Variants in MICU2 observed in about 807,000 individuals in gnomAD.
MICU2 encodes the protein mitochondrial calcium uptake 2.
A neutral mutation model predicts 60.4 loss-of-function variants in MICU2; 64 were observed. The observed-to-expected ratio is 1.06, with a 90% CI of 0.87 to 1.31. The LOEUF (loss-of-function observed/expected upper bound fraction) is 1.31. Among genes scored for constraint, MICU2 ranks in the 50% most tolerant of loss-of-function variants. The pLI is 0.00. For missense variants in MICU2, 569 were observed against 531.0 expected (o/e 1.07, Z -0.70); for synonymous variants, 201 against 175.0 (o/e 1.15, Z -1.17).
intron 1 of MICU2, among the ~76,000 whole-genome samples, chr13:21,597,985 AAAC>A (rs1000588130): frequency 1.3e-4 from 20 of 151,898 alleles, no homozygotes; most frequent in Admixed American, 2.0e-4. Flanking sequence ...TGAAAGAAAA[AAAC>A]AACAACTGAT....
At position 21,495,254 on chromosome 13, in the gene MICU2, A is replaced by C. The variant is rs1488779082; in HGVS notation, c.1107T>G (p.Thr369=). Residue 369 remains threonine (T), a synonymous_variant, in exon 11 of 12, where the codon ACT becomes ACG. Transcript: ENST00000382374. ...GQELSNNILD[T]VFKIFDLDGD... ...CATCCAAATCAAAGATCTTAAAGAC[A>C]GTGTCCAAAATATTGTTTGAGAGTT... 7 of 1,613,502 alleles carry C rather than the reference A, an allele frequency of 4.3e-6. No individual in the cohort carries two copies. Among genetic ancestry groups the C allele is most frequent in the Non-Finnish European group, 3.4e-6 (4 of 1,179,686 alleles).
chr13:21,512,487 G>A (rs930695960), intron 7 of MICU2, among the ~76,000 whole-genome samples: 1 of 116,198 alleles, frequency 8.6e-6, no homozygotes, highest in Non-Finnish European at 1.7e-5. Flanking sequence ...TCGCTCTGTT[G>A]CCCAGGCTGG....
At chr13:21,594,851 G>A (rs991508954) in intron 1 of MICU2, among the ~76,000 whole-genome samples, 7 of 152,078 alleles carry the variant, frequency 4.6e-5, no homozygotes, top group Non-Finnish European at 1.0e-4. Context: ...ATGCAGAGAA[G>A]GGAACAACAC....
At chr13:21,508,199 C>T (rs1036742050) in intron 8 of MICU2, among the ~76,000 whole-genome samples, 2 of 151,482 alleles carry the variant, frequency 1.3e-5, no homozygotes, top group Admixed American at 6.6e-5. Context: ...GATCCTGGCT[C>T]ACTACAAGAT....
At chr13:21,576,298 T>C (rs1888226022) in intron 1 of MICU2, among the ~76,000 whole-genome samples, 1 of 152,160 alleles carries the variant, frequency 6.6e-6, no homozygotes, top group Non-Finnish European at 1.5e-5. Flanking sequence ...GAGAAGTAGA[T>C]GCAGAGCAGT....
chr13:21,570,047 A>G (rs905423674), intron 1 of MICU2, among the ~76,000 whole-genome samples: 5 of 152,240 alleles, frequency 3.3e-5, no homozygotes, highest in Non-Finnish European at 7.3e-5. Flanking sequence ...CAGAGAATAA[A>G]TAACAACAGA....
intron 10 of MICU2, 166 bp from the exon 11 acceptor site, chr13:21,495,484 G>T (rs979008165): frequency 3.9e-5 from 24 of 609,762 alleles, no homozygotes; most frequent in Non-Finnish European, 6.2e-5. Flanking sequence ...ACCATAAGCC[G>T]ACGAATGTCA....
chr13:21,541,131 G>A (rs542857983), intron 2 of MICU2, among the ~76,000 whole-genome samples: 94 of 152,018 alleles, frequency 6.2e-4, no homozygotes, highest in Non-Finnish European at 9.7e-4. Context: ...AGGCAGAAGA[G>A]GATCAAGAAT....
chr13:21,540,468 C>T (rs990093757), intron 2 of MICU2, among the ~76,000 whole-genome samples: 3 of 152,140 alleles, frequency 2.0e-5, no homozygotes, highest in East Asian at 1.9e-4. Context: ...AGCACAATTA[C>T]GCAGTCTGTA....
chr13:21,567,281 C>CACTTAGAGAGA (rs1435624183), intron 1 of MICU2, among the ~76,000 whole-genome samples: 1 of 152,108 alleles, frequency 6.6e-6, no homozygotes, highest in East Asian at 1.9e-4. Flanking sequence ...CAGAGAAGGT[C>CACTTAGAGAGA]TTTCTGAAGA....
chr13:21,597,697 C>G (rs969438066), intron 1 of MICU2, among the ~76,000 whole-genome samples: 1 of 151,826 alleles, frequency 6.6e-6, no homozygotes, highest in Non-Finnish European at 1.5e-5. Context: ...TTTGGGAGGC[C>G]GAGGCGGGTG....
chr13:21,531,393 C>T (rs1463704839), intron 4 of MICU2: 18 of 1,035,766 alleles, frequency 1.7e-5, no homozygotes, highest in East Asian at 7.2e-5. Context: ...GAGTTTAAAA[C>T]GAGAGTGGTC....
Position 21,593,545 on chromosome 13 carries a change from C to T in MICU2, c.210+10394G>A, listed in dbSNP as rs1400985160. 3.5e-5 allele frequency among the ~76,000 whole-genome samples: 5 copies of T among 142,984 alleles called. No individual in the cohort carries two copies. In the South Asian group the frequency reaches 6.8e-4, roughly 20 times the overall value. The allele number at this position is 142,984 out of a possible 152,430, so 93.8% of individuals were successfully genotyped here. A position where few individuals can be genotyped will look rare whatever the true frequency, so the allele number is the denominator to read the frequency against. On this transcript the variant is annotated intron_variant, in intron 1 of 11. Transcript: ENST00000382374. ...CTATTTCACATGCAATCACAGAAGA[C>T]CCCATATTGCAAAGACAATCCTAAG...
In MICU2 at chr13:21,504,595, C is replaced by CA. The variant is rs1410715879; in HGVS notation, c.762-1499dup. On this transcript the variant is annotated intron_variant, in intron 8 of 11. Transcript: ENST00000382374. The stretch of plus-strand genomic sequence containing the variant: ...ATGAAACTCTGGAACATGAGCTGAA[C>CA]ATGCATATATGAATTGGAAAATTTA... Among the ~76,000 whole-genome samples, 4 of 152,256 alleles carry CA rather than the reference C, an allele frequency of 2.6e-5. No homozygotes were observed. The East Asian group carries it at 7.7e-4, about 29-fold the overall frequency.
chr13:21,569,428 T>G (rs1293678565), intron 1 of MICU2, among the ~76,000 whole-genome samples: 2 of 152,126 alleles, frequency 1.3e-5, no homozygotes, highest in African/African-American at 4.8e-5. Flanking sequence ...AAAACTATCA[T>G]CTGGAGGTCA....
chr13:21,578,934 G>C (rs1888286008), intron 1 of MICU2, among the ~76,000 whole-genome samples: 1 of 152,188 alleles, frequency 6.6e-6, no homozygotes, highest in African/African-American at 2.4e-5. Context: ...CTTAGAAACA[G>C]AATGCTCTGA....
chr13:21,508,030 A>G (rs992640593), intron 8 of MICU2, among the ~76,000 whole-genome samples: 1 of 151,906 alleles, frequency 6.6e-6, no homozygotes, highest in African/African-American at 2.4e-5. Flanking sequence ...CCTTAAATCT[A>G]ATCAATCACT....
At position 21,539,598 on chromosome 13, in the gene MICU2, A is replaced by C. The variant is rs2138001100; in HGVS notation, c.390+59T>G. The C allele has an allele frequency of 1.9e-6, 3 of 1,610,274 alleles. No individual in the cohort carries two copies. In the East Asian group the frequency reaches 6.7e-5, roughly 36 times the overall value. ...CAGGTGTGAGCCACCGTGCCCGGCC[A>C]AAAGTTCATTTTCTATCTTACCAAA... is the stretch of plus-strand genomic sequence containing the variant. On this transcript the variant is annotated intron_variant, in intron 3 of 11. Coordinates refer to ENST00000382374, the MANE Select transcript of MICU2 (RefSeq NM_152726.3).
chr13:21,589,324 G>GT (rs1371147996), intron 1 of MICU2, among the ~76,000 whole-genome samples: 1 of 152,210 alleles, frequency 6.6e-6, no homozygotes, highest in Non-Finnish European at 1.5e-5. Flanking sequence ...GTCAGGTGCT[G>GT]TGTCATACCA....
Sources: allele counts gnomAD v4.1 joint callset (sites outside exome capture counted in the v4.1 genomes callset), GRCh38; gene constraint gnomAD v4.1.1; transcripts MANE v1.5; gene names NCBI Gene and HGNC (gene_info 2026-07-23, HGNC 2026-07-21).